DNAJC18: variants seen among roughly 807,000 people sequenced by gnomAD.
DNAJC18 encodes the protein DnaJ heat shock protein family (Hsp40) member C18, also known as dnaJ homolog subfamily C member 18.
DNAJC18 carries 40 observed loss-of-function variants against 48.6 expected under a neutral mutation model. The observed-to-expected ratio is 0.82, with a 90% CI of 0.64 to 1.07. The LOEUF (loss-of-function observed/expected upper bound fraction) is 1.07. Ranked by LOEUF, DNAJC18 falls within the 50% of genes least tolerant of loss-of-function variation. The pLI is 0.00. For missense variants in DNAJC18, 340 were observed against 427.7 expected (o/e 0.79, Z 1.81); for synonymous variants, 135 against 152.2 (o/e 0.89, Z 0.83).
intron 4 of DNAJC18, 95 bp from the exon 5 acceptor site, chr5:139,425,209 A>C (rs1314065889): frequency 2.0e-6 from 2 of 1,008,822 alleles, no homozygotes; most frequent in Admixed American, 4.1e-5. Flanking sequence ...TGTTACCCAG[A>C]CTGGAGTGCA....
chr5:139,434,528 G>A (rs545293885), intron 2 of DNAJC18, among the ~76,000 whole-genome samples: 7 of 152,142 alleles, frequency 4.6e-5, no homozygotes, highest in South Asian at 4.2e-4. Context: ...TCGCTATGTC[G>A]CTCAGGCTCG....
At chr5:139,414,567 T>C (rs1253061651) in intron 7 of DNAJC18, among the ~76,000 whole-genome samples, 1 of 152,250 alleles carries the variant, frequency 6.6e-6, no homozygotes, top group African/African-American at 2.4e-5. Flanking sequence ...CCTGCGCATG[T>C]GCAGTGAGAC....
chr5:139,437,615 A>G (rs1455094765), intron 1 of DNAJC18, 57 bp from the exon 2 acceptor site: 1 of 1,553,372 alleles, frequency 6.4e-7, no homozygotes, highest in African/African-American at 1.4e-5. Context: ...TCAACTTTGC[A>G]ACCTGCCTTT....
intron 6 of DNAJC18, 33 bp from the exon 7 acceptor site, chr5:139,420,258 C>T: frequency 6.3e-7 from 1 of 1,576,334 alleles, no homozygotes; most frequent in East Asian, 2.3e-5. Flanking sequence ...CATGTGAGCT[C>T]ATAATATTTG....
intron 2 of DNAJC18, among the ~76,000 whole-genome samples, chr5:139,435,857 C>T (rs556514579): frequency 6.6e-6 from 1 of 151,668 alleles, no homozygotes; most frequent in South Asian, 2.1e-4. Flanking sequence ...AGGTGTGCAC[C>T]ACCATGCTCG....
At chr5:139,424,772 C>A (rs943006028) in intron 5 of DNAJC18, among the ~76,000 whole-genome samples, 2 of 137,900 alleles carry the variant, frequency 1.5e-5, no homozygotes, top group Non-Finnish European at 3.1e-5. Flanking sequence ...GTCAGCCCCA[C>A]AGATTGCTGA....
intron 1 of DNAJC18, among the ~76,000 whole-genome samples, chr5:139,438,430 A>T (rs776251189): frequency 1.1e-4 from 16 of 152,142 alleles, no homozygotes; most frequent in Non-Finnish European, 1.3e-4. Flanking sequence ...GTGGCCCAAG[A>T]CAATTCTTCT....
At chr5:139,432,091 C>T (rs147420424) in intron 2 of DNAJC18, among the ~76,000 whole-genome samples, 190 of 151,868 alleles carry the variant, frequency 1.3e-3, no homozygotes, top group African/African-American at 4.4e-3. Flanking sequence ...GAACTTTGTA[C>T]GTTCCAGATA....
At chr5:139,418,907 T>G (rs548527619) in intron 7 of DNAJC18, 1 of 454,928 alleles carries the variant, frequency 2.2e-6, no homozygotes, top group East Asian at 7.0e-5. Flanking sequence ...GACTGACATA[T>G]ATCCCTGGAA....
At chr5:139,429,929 A>G (rs1170514637) in intron 2 of DNAJC18, among the ~76,000 whole-genome samples, 1 of 152,206 alleles carries the variant, frequency 6.6e-6, no homozygotes, top group Admixed American at 6.5e-5. Flanking sequence ...CCTGTCTCTA[A>G]AAAACAAACA....
chr5:139,438,526 G>A (rs1472952225), intron 1 of DNAJC18, among the ~76,000 whole-genome samples: 1 of 152,146 alleles, frequency 6.6e-6, no homozygotes, highest in Non-Finnish European at 1.5e-5. Context: ...AGAATGTAAA[G>A]AGGGTCATAA....
At position 139,426,268 on chromosome 5, in the gene DNAJC18, G is replaced by A. The variant is rs766895654; in HGVS notation, c.463C>T (p.Pro155Ser). The A allele has an allele frequency of 6.2e-7, 1 of 1,614,210 alleles. No homozygotes were observed. The highest frequency in any genetic ancestry group is 8.5e-7 in the Non-Finnish European group (1 of 1,180,042). Residue 155 changes from proline to serine, a missense_variant, in exon 4 of 8, where the codon CCT becomes TCT. Physicochemically the swap from Pro to Ser is moderately conservative, Grantham distance 74. Transcript: ENST00000302060. Reference protein sequence around the residue: ...YGDEQVTFTAPRARPYNYYRD... With the variant: ...YGDEQVTFTASRARPYNYYRD... ...TAATAATTATAAGGTCTGGCTCGAG[G>A]GGCAGTGAAAGTCACCTGTTCATCT... is the stretch of plus-strand genomic sequence containing the variant.
chr5:139,423,909 C>T (rs1402341137), intron 5 of DNAJC18, among the ~76,000 whole-genome samples: 1 of 152,150 alleles, frequency 6.6e-6, no homozygotes, highest in Non-Finnish European at 1.5e-5. Flanking sequence ...CCCCCTGCAG[C>T]CCCATTAATA....
At chr5:139,435,664 A>G (rs925068904) in intron 2 of DNAJC18, among the ~76,000 whole-genome samples, 8 of 146,078 alleles carry the variant, frequency 5.5e-5, no homozygotes, top group African/African-American at 1.8e-4. Flanking sequence ...ACTGGTCTCA[A>G]AGAATGAAGC....
intron 2 of DNAJC18, among the ~76,000 whole-genome samples, chr5:139,431,059 A>G (rs1211455285): frequency 2.0e-5 from 3 of 152,144 alleles, no homozygotes; most frequent in African/African-American, 7.2e-5. Flanking sequence ...ACTCTAATGC[A>G]GGGTCTGGGC....
At position 139,426,175 on chromosome 5, in the gene DNAJC18, T is replaced by C; in HGVS notation, c.556A>G (p.Thr186Ala). The stretch of plus-strand genomic sequence containing the variant: ...ATGATAATTTGGGGAGACTAACCTG[T>C]AGGAAAATGTCCTCCAAAGAAGACG... The part of the protein sequence containing the change: ...FNVFFGGHFP[T>A]GNIHMFSNVT... Residue 186 changes from threonine to alanine, a missense_variant, in exon 4 of 8, where the codon ACA becomes GCA. By Grantham distance (58) the Thr-to-Ala change is moderately conservative. Transcript: ENST00000302060. The C allele has an allele frequency of 6.2e-7, 1 of 1,613,584 alleles. No homozygotes were observed. The highest frequency in any genetic ancestry group is 8.5e-7 in the Non-Finnish European group (1 of 1,179,830).
At chr5:139,430,816 C>T (rs749842869) in intron 2 of DNAJC18, among the ~76,000 whole-genome samples, 1 of 152,168 alleles carries the variant, frequency 6.6e-6, no homozygotes, top group Non-Finnish European at 1.5e-5. Flanking sequence ...AGTGATCCAC[C>T]TGCCTTGGCC....
In DNAJC18 at chr5:139,422,804, G is replaced by T. The variant is rs958428748; in HGVS notation, c.683C>A (p.Ala228Glu). 11 of 1,599,508 alleles carry T rather than the reference G, an allele frequency of 6.9e-6. No individual in the cohort carries two copies. The highest frequency in any genetic ancestry group is 9.4e-6 in the Non-Finnish European group (11 of 1,175,118). Residue 228 changes from alanine (A) to glutamate (E), a missense_variant, in exon 6 of 8, where the codon GCA (alanine) becomes GAA (glutamate). Coordinates refer to ENST00000302060, the MANE Select transcript of DNAJC18 (RefSeq NM_152686.4). ...AAGAACTGGAAGTAGCTGAATAAAT[G>T]CAGAATATGTAGTCTGAAAAAGAAA... ...EEEKPQTTYS[A>E]FIQLLPVLVI...
chr5:139,416,911 G>A (rs1157262916), intron 7 of DNAJC18, among the ~76,000 whole-genome samples: 4 of 152,212 alleles, frequency 2.6e-5, no homozygotes, highest in African/African-American at 7.2e-5. Flanking sequence ...CAGATTGGCC[G>A]GGTGTGGTGG....
Sources: gnomAD v4.1 joint callset for allele counts (sites outside exome capture counted in the v4.1 genomes callset) on GRCh38, gnomAD v4.1.1 for gene constraint, MANE v1.5 for transcripts, NCBI Gene and HGNC (gene_info 2026-07-23, HGNC 2026-07-21) for gene names.